TEP1: variants seen among roughly 807,000 people sequenced by gnomAD.
The protein encoded by TEP1 is telomerase protein component 1.
Under a neutral mutation model 306.3 loss-of-function variants are expected in TEP1, and 241 were observed. That is an observed-to-expected ratio of 0.79 (90% CI 0.71 to 0.88). The LOEUF (loss-of-function observed/expected upper bound fraction) is 0.88. Among genes scored for constraint, TEP1 ranks in the 40% least tolerant of loss-of-function variants. The pLI, the probability that TEP1 is intolerant of heterozygous loss-of-function variation, is 0.00. For missense variants in TEP1, 3,051 were observed against 3,276.1 expected, an observed-to-expected ratio of 0.93 and a Z score of 1.68; for synonymous variants, 1,289 against 1,305.5, an observed-to-expected ratio of 0.99 and a Z score of 0.27.
In TEP1 at chr14:20,385,000, T is replaced by A; in HGVS notation, c.3092A>T (p.Asp1031Val). ...CAGACAGTACCTGAGGAAGCTGGAA[T>A]CCCGGAAGTAGATGAGAGCTTGGGC... ...PSAQALIYFR[D>V]SSFLSSVPDA... The change falls in exon 21 of 55, where the codon GAT becomes GTT. Residue 1031 changes from aspartate (D) to valine (V), a missense_variant. Coordinates refer to ENST00000262715, the MANE Select transcript of TEP1 (RefSeq NM_007110.5). 1 of 1,614,208 alleles carries A rather than the reference T, an allele frequency of 6.2e-7. No homozygotes were observed. Among genetic ancestry groups the A allele is most frequent in the Non-Finnish European group, 8.5e-7 (1 of 1,180,040 alleles).
intron 9 of TEP1, among the ~76,000 whole-genome samples, chr14:20,397,173 T>C (rs1878276215): frequency 6.6e-6 from 1 of 152,210 alleles, no homozygotes; most frequent in South Asian, 2.1e-4. Context: ...AAATGTATTA[T>C]CTAGTCTAGA....
At chr14:20,368,973 G>A in intron 53 of TEP1, 71 bp from the exon 54 acceptor site, 2 of 1,110,430 alleles carry the variant, frequency 1.8e-6, no homozygotes, top group Non-Finnish European at 2.7e-6. Context: ...ATCACAATGT[G>A]CTGTGTCAGA....
chr14:20,382,239 C>T lies in TEP1; in HGVS notation c.4258G>A (p.Glu1420Lys), dbSNP rs1174805257. The change falls in exon 29 of 55, where the codon GAA becomes AAA. Residue 1420 changes from glutamate (E) to lysine (K), a missense_variant. By Grantham distance (56) the Glu-to-Lys change is moderately conservative (BLOSUM62 1). Coordinates refer to ENST00000262715, the MANE Select transcript of TEP1 (RefSeq NM_007110.5). ...DVLPQALTAL[E>K]VTRSGLTVDQ... is the part of the protein sequence containing the mutation. The stretch of plus-strand genomic sequence containing the variant: ...AAGCACTGACCACTCCGTGTGACTT[C>T]TAGGGCAGTCAAGGCCTGGGGAAGG... 6.2e-7 allele frequency: 1 copy of T among 1,614,020 alleles called. No individual in the cohort carries two copies. Among genetic ancestry groups the T allele is most frequent in the African/African-American group, 1.3e-5 (1 of 74,918 alleles).
At chr14:20,400,094 G>A (rs1056766808) in intron 9 of TEP1, among the ~76,000 whole-genome samples, 4 of 139,644 alleles carry the variant, frequency 2.9e-5, no homozygotes, top group African/African-American at 8.0e-5. Flanking sequence ...CCAAGATTGC[G>A]CCATTGCATT....
chr14:20,378,333 T>C (rs761427887), intron 38 of TEP1, 47 bp downstream of exon 38: 7 of 1,613,220 alleles, frequency 4.3e-6, no homozygotes, highest in South Asian at 2.2e-5. Context: ...CACCCTCCAC[T>C]CCTGTCCTCC....
chr14:20,373,245 C>T (rs1472108628), intron 47 of TEP1, 25 bp downstream of exon 47: 1 of 1,613,048 alleles, frequency 6.2e-7, no homozygotes, highest in African/African-American at 1.3e-5. Context: ...GTAACACACC[C>T]TGTCTCTCTC....
intron 47 of TEP1, 29 bp from the exon 48 acceptor site, chr14:20,373,176 G>T: frequency 5.6e-6 from 9 of 1,613,984 alleles, no homozygotes; most frequent in Non-Finnish European, 7.6e-6. Context: ...GTTTCATTAG[G>T]AGCTGGGATA....
In TEP1 at chr14:20,374,498, G is replaced by A. The variant is rs1243213789; in HGVS notation, c.6402C>T (p.Asp2134=). ...CSSDGSVGLW[D]PESGQRLGQF... The stretch of plus-strand genomic sequence containing the variant: ...GACCAAGCCGCTGTCCTGACTCTGG[G>A]TCCCAGAGCCCCACAGAGCCATCAC... Residue 2134 remains aspartate, a synonymous_variant, in exon 44 of 55, where the codon GAC becomes GAT. Coordinates refer to ENST00000262715, the MANE Select transcript of TEP1 (RefSeq NM_007110.5). The A allele has an allele frequency of 1.9e-6, 3 of 1,613,526 alleles. No homozygotes were observed. The highest frequency in any genetic ancestry group is 2.5e-6 in the Non-Finnish European group (3 of 1,179,948).
chr14:20,393,895 T>C (rs1877954180), intron 12 of TEP1, among the ~76,000 whole-genome samples: 1 of 152,028 alleles, frequency 6.6e-6, no homozygotes, highest in African/African-American at 2.4e-5. Flanking sequence ...GAAACCAGCC[T>C]GGGTAACATG....
rs118189645 is a variant in TEP1 at position 20,392,750 on chromosome 14, G to A, written c.1929-983C>T. 1.9e-3 allele frequency among the ~76,000 whole-genome samples: 295 copies of A among 152,218 alleles called. 1 individual carries two copies. The highest frequency in any genetic ancestry group is 6.8e-3 in the Middle Eastern group (2 of 294). On this transcript the variant is annotated intron_variant, in intron 12 of 54. Transcript: ENST00000262715. ...GGACTAAATAACAGATGATTTCACCGAGGAATTATTTTTAGTTTTGTCAGG... is the reference window on the plus strand; with the variant it reads ...GGACTAAATAACAGATGATTTCACCAAGGAATTATTTTTAGTTTTGTCAGG...
Position 20,396,565 on chromosome 14 carries a change from T to C in TEP1, c.1659+56A>G, listed in dbSNP as rs898302175. On this transcript the variant is annotated intron_variant, in intron 10 of 54. Coordinates refer to ENST00000262715, the MANE Select transcript of TEP1 (RefSeq NM_007110.5). ...CCTGGCCTCTAAAGCAGCAGTGGCC[T>C]CTCCACGTGCACATCTAGTTGCTGG... 3.4e-6 allele frequency: 5 copies of C among 1,475,024 alleles called. No homozygotes were observed. In the African/African-American group the frequency reaches 7.0e-5, roughly 21 times the overall value. The allele number at this position is 1,475,024 out of a possible 1,614,324, so 91.4% of individuals were successfully genotyped here.
At chr14:20,400,137 C>CAAAAAA (rs58121179) in intron 9 of TEP1, among the ~76,000 whole-genome samples, 3 of 80,484 alleles carry the variant, frequency 3.7e-5, no homozygotes, top group Non-Finnish European at 8.3e-5. Flanking sequence ...AACTCCGTCT[C>CAAAAAA]AAAAAAAAAA....
At position 20,403,709 on chromosome 14, in the gene TEP1, G is replaced by A; in HGVS notation, c.1194+14C>T. 1.2e-6 allele frequency: 2 copies of A among 1,613,202 alleles called. No homozygotes were observed. Among genetic ancestry groups the A allele is most frequent in the South Asian group, 1.1e-5 (1 of 91,040 alleles). ...GAAAAGGGGCGTGGGTCGAGGGCTG[G>A]GGCAGTGACTGACTGGAGAGCGGGG... On this transcript the variant is annotated intron_variant, in intron 6 of 54. Transcript: ENST00000262715.
chr14:20,387,712 A>C (rs2139094340), intron 18 of TEP1, among the ~76,000 whole-genome samples, 193 bp downstream of exon 18: 1 of 152,300 alleles, frequency 6.6e-6, no homozygotes, highest in South Asian at 2.1e-4. Context: ...TCCTTTCCTC[A>C]GTAGAGAAAG....
In TEP1 at chr14:20,390,825, T is replaced by C; in HGVS notation, c.2257-67A>G. On this transcript the variant is annotated intron_variant, in intron 14 of 54. Coordinates refer to ENST00000262715, the MANE Select transcript of TEP1 (RefSeq NM_007110.5). ...CGACAAACACTGCAGTCTTGCAGTCTGCTTGGGAAATCTTCAGAACTGTGT... is the reference window on the plus strand; with the variant it reads ...CGACAAACACTGCAGTCTTGCAGTCCGCTTGGGAAATCTTCAGAACTGTGT... 3 of 1,613,262 alleles carry C rather than the reference T, an allele frequency of 1.9e-6. No homozygotes were observed. The Admixed American group carries it at 5.0e-5, about 27-fold the overall frequency.
chr14:20,392,235 GTTAAA>G, intron 12 of TEP1, among the ~76,000 whole-genome samples: 1 of 152,216 alleles, frequency 6.6e-6, no homozygotes, highest in African/African-American at 2.4e-5. Context: ...TAAAATTCCA[GTTAAA>G]AAATATGCAG....
At chr14:20,403,254 C>G in intron 7 of TEP1, 123 bp downstream of exon 7, 1 of 1,253,046 alleles carries the variant, frequency 8.0e-7, no homozygotes. Flanking sequence ...GAACCTTACC[C>G]ACAATCACAG....
chr14:20,408,465 T>A lies in TEP1; in HGVS notation c.-24-2A>T. 1 of 1,595,796 alleles carries A rather than the reference T, an allele frequency of 6.3e-7. No homozygotes were observed. The highest frequency in any genetic ancestry group is 8.5e-7 in the Non-Finnish European group (1 of 1,173,558). ...GGCTGAAACTCAGCTTGTATATGCCTAGAAGGAGAGAAAGACAGGAGATGA... is the reference window on the plus strand; with the variant it reads ...GGCTGAAACTCAGCTTGTATATGCCAAGAAGGAGAGAAAGACAGGAGATGA... On this transcript the variant is annotated splice_acceptor_variant, in intron 1 of 54. Coordinates refer to ENST00000262715, the MANE Select transcript of TEP1 (RefSeq NM_007110.5). LOFTEE classifies it low-confidence loss of function (5UTR_SPLICE).
rs895420860 is a variant in TEP1, at chr14:20,384,501, A to T, written c.3229T>A (p.Cys1077Ser). 3 of 1,613,802 alleles carry T rather than the reference A, an allele frequency of 1.9e-6. No homozygotes were observed. In the African/African-American group the frequency reaches 4.0e-5, roughly 22 times the overall value. ...CCAGCTGCCACACCCCCCCACTCACAGGGGTATCTGTGGGCAAATCAAGCA... is the reference window on the plus strand; with the variant it reads ...CCAGCTGCCACACCCCCCCACTCACTGGGGTATCTGTGGGCAAATCAAGCA... ...QKGITCRRYP[C>S]EWGGVAAGRP... Residue 1077 changes from cysteine to serine, a missense_variant, in exon 23 of 55, where the codon TGT (cysteine) becomes AGT (serine). This residue lies in a region of TEP1 where 1,507 missense variants were observed against 1,550.5 expected (regional missense o/e 0.97). Coordinates refer to ENST00000262715, the MANE Select transcript of TEP1 (RefSeq NM_007110.5).
Sources: gnomAD v4.1 joint callset for allele counts (sites outside exome capture counted in the v4.1 genomes callset) on GRCh38, gnomAD v4.1.1 for gene constraint, gnomAD v4.1.1 regional missense constraint, MANE v1.5 for transcripts, NCBI Gene and HGNC (gene_info 2026-07-23, HGNC 2026-07-21) for gene names.